Variants in SHISA9 observed in about 807,000 individuals in gnomAD.
The protein encoded by SHISA9 is protein shisa-9.
A neutral mutation model predicts 38.0 loss-of-function variants in SHISA9; 13 were observed. That is an observed-to-expected ratio of 0.34 (90% CI 0.22 to 0.54). The LOEUF is 0.54. Among genes scored for constraint, SHISA9 ranks in the 20% least tolerant of loss-of-function variants. SHISA9 has a pLI of 0.91. For synonymous variants in SHISA9, 275 were observed against 242.0 expected (o/e 1.14, Z -1.27); for missense variants, 538 against 575.8 (o/e 0.93, Z 0.67).
At chr16:13,035,846 G>T (rs942908256) in intron 2 of SHISA9, among the ~76,000 whole-genome samples, 1 of 152,202 alleles carries the variant, frequency 6.6e-6, no homozygotes, top group African/African-American at 2.4e-5. Flanking sequence ...AATGGGCAAA[G>T]ATTTTAACAG....
intron 2 of SHISA9, among the ~76,000 whole-genome samples, chr16:13,090,552 T>G (rs1206131046): frequency 6.6e-6 from 1 of 152,228 alleles, no homozygotes; most frequent in Non-Finnish European, 1.5e-5. Context: ...TTTACCATTA[T>G]GTAATGGTCT....
chr16:12,957,939 A>G (rs529679584), intron 2 of SHISA9, among the ~76,000 whole-genome samples: 19 of 152,324 alleles, frequency 1.2e-4, no homozygotes, highest in Non-Finnish European at 2.4e-4. Context: ...TCGACTTTCA[A>G]GACCTTATTT....
intron 2 of SHISA9, among the ~76,000 whole-genome samples, chr16:12,982,272 CATTAA>C (rs1162852255): frequency 1.3e-5 from 2 of 152,148 alleles, no homozygotes; most frequent in Non-Finnish European, 2.9e-5. Flanking sequence ...AATTGATTAA[CATTAA>C]ATAAAATTAA....
intron 2 of SHISA9, among the ~76,000 whole-genome samples, chr16:13,171,829 C>T (rs1005821363): frequency 6.6e-6 from 1 of 152,086 alleles, no homozygotes; most frequent in African/African-American, 2.4e-5. Flanking sequence ...TGTTGACATT[C>T]GTATGCATAT....
In SHISA9 at chr16:13,235,084, C is replaced by A; in HGVS notation, c.950C>A (p.Ala317Asp). The A allele has an allele frequency of 6.4e-7, 1 of 1,551,602 alleles. No homozygotes were observed. The highest frequency in any genetic ancestry group is 8.7e-7 in the Non-Finnish European group (1 of 1,146,980). Residue 317 changes from alanine (A) to aspartate (D), a missense_variant, in exon 5 of 5, where the codon GCT becomes GAT. Transcript: ENST00000558583. Reference protein sequence around the residue: ...YTKRRHLAELAAKGNLPLHPV... With the variant: ...YTKRRHLAELDAKGNLPLHPV... Reference sequence around the variant, plus strand: ...AAGCGACGGCACCTGGCTGAGCTGGCTGCCAAGGGGAACTTACCTCTGCAC... The same window carrying A: ...AAGCGACGGCACCTGGCTGAGCTGGATGCCAAGGGGAACTTACCTCTGCAC...
chr16:13,124,048 A>G (rs4781415), intron 2 of SHISA9, among the ~76,000 whole-genome samples: 67,648 of 152,062 alleles, frequency 0.44, 17,373 homozygotes, highest in Non-Finnish European at 0.56. Context: ...GGAAAGTCCT[A>G]ACCGGAAGAC....
At chr16:13,024,887 T>TA (rs567021474) in intron 2 of SHISA9, among the ~76,000 whole-genome samples, 43 of 152,288 alleles carry the variant, frequency 2.8e-4, no homozygotes, top group Middle Eastern at 3.4e-3. Context: ...GTAGCCTCTG[T>TA]GCAGCCAGGA....
chr16:13,420,273 A>AAAAAAG, the SHISA9 span, among the ~76,000 whole-genome samples: 3 of 146,762 alleles, frequency 2.0e-5, no homozygotes, highest in East Asian at 2.0e-4. Context: ...AAAAAAAAAA[A>AAAAAAG]GGTTTTTTGC....
intron 4 of SHISA9, among the ~76,000 whole-genome samples, chr16:13,217,782 C>A (rs2051184932): frequency 6.6e-6 from 1 of 152,166 alleles, no homozygotes; most frequent in Non-Finnish European, 1.5e-5. Flanking sequence ...GTAATCCCAG[C>A]ACTTTGGGAG....
chr16:13,129,021 G>A (rs1315248491), intron 2 of SHISA9, among the ~76,000 whole-genome samples: 1 of 152,140 alleles, frequency 6.6e-6, no homozygotes, highest in Non-Finnish European at 1.5e-5. Flanking sequence ...ATGACTCTAT[G>A]TCATTGCCAT....
intron 2 of SHISA9, among the ~76,000 whole-genome samples, chr16:12,983,501 T>G (rs1315478407): frequency 6.6e-6 from 1 of 152,166 alleles, no homozygotes; most frequent in Non-Finnish European, 1.5e-5. Flanking sequence ...GGTTTTGGGT[T>G]TTTTTGAGAC....
At chr16:12,930,257 A>C (rs2071446310) in intron 2 of SHISA9, among the ~76,000 whole-genome samples, 1 of 152,250 alleles carries the variant, frequency 6.6e-6, no homozygotes, top group Non-Finnish European at 1.5e-5. Flanking sequence ...ACATTTTATC[A>C]AGTAAATGCT....
At chr16:13,536,924 A>G in the SHISA9 span, among the ~76,000 whole-genome samples, 1 of 152,284 alleles carries the variant, frequency 6.6e-6, no homozygotes, top group African/African-American at 2.4e-5. Flanking sequence ...ACTACTCAAA[A>G]TTCCACAGTC....
At chr16:13,080,523 T>G (rs276606) in intron 2 of SHISA9, among the ~76,000 whole-genome samples, 9,405 of 152,154 alleles carry the variant, frequency 0.062, 964 homozygotes, top group African/African-American at 0.21. Flanking sequence ...TAAGGGAGAA[T>G]GAGACTTGAT....
intron 2 of SHISA9, among the ~76,000 whole-genome samples, chr16:13,034,498 G>A (rs1055017227): frequency 9.2e-5 from 14 of 152,184 alleles, no homozygotes; most frequent in African/African-American, 2.9e-4. Flanking sequence ...ATCTTATTGA[G>A]GGCAGGAAGA....
At chr16:13,295,093 AG>A in the SHISA9 span, among the ~76,000 whole-genome samples, 1 of 152,240 alleles carries the variant, frequency 6.6e-6, no homozygotes, top group Non-Finnish European at 1.5e-5. Context: ...ATTCTAAACC[AG>A]GGAACCTGGC....
rs185117397 is a variant in SHISA9, at chr16:13,202,179, C to A, written c.692-1215C>A. ...GGTCCTGCCACCCTCTCCAACCCCA[C>A]CTCATTCCAGTTTCCTTACACTGTA... On this transcript the variant is annotated intron_variant, in intron 2 of 4. Transcript: ENST00000558583. 1.1e-4 allele frequency among the ~76,000 whole-genome samples: 14 copies of A among 126,650 alleles called. 2 individuals carry two copies. The highest frequency in any genetic ancestry group is 2.2e-4 in the African/African-American group (7 of 31,382). 83.1% of individuals were successfully genotyped at this position (126,650 alleles called of 152,430 possible). A position where few individuals can be genotyped will look rare whatever the true frequency, so the allele number is the denominator to read the frequency against.
the SHISA9 span, among the ~76,000 whole-genome samples, chr16:13,372,625 C>A: frequency 6.6e-6 from 1 of 152,182 alleles, no homozygotes; most frequent in African/African-American, 2.4e-5. Flanking sequence ...CTCTGGTTAG[C>A]TATTCATTTC....
At chr16:13,242,101 G>T (rs1429017630), downstream of SHISA9, among the ~76,000 whole-genome samples, 1 of 152,186 alleles carries the variant, frequency 6.6e-6, no homozygotes, top group Non-Finnish European at 1.5e-5. Flanking sequence ...CACTGCAAAA[G>T]GTGGGTACTA....
Sources: allele counts gnomAD v4.1 joint callset (sites outside exome capture counted in the v4.1 genomes callset), GRCh38; gene constraint gnomAD v4.1.1; transcripts MANE v1.5; gene names NCBI Gene and HGNC (gene_info 2026-07-23, HGNC 2026-07-21).